The following TEK variants were observed in gnomAD, a reference collection of about 807,000 sequenced individuals.
TEK encodes TEK receptor tyrosine kinase.
TEK carries 43 observed loss-of-function variants against 131.8 expected under a neutral mutation model. The ratio of observed to expected loss-of-function variants is 0.33; its 90% confidence interval spans 0.26 to 0.42. TEK has a LOEUF of 0.42. Among genes scored for constraint, TEK ranks in the 10% least tolerant of loss-of-function variants. The probability of loss-of-function intolerance (pLI) is 1.00; values close to 1 mark genes in which losing one functional copy is unlikely to be tolerated. For synonymous variants in TEK, 580 were observed against 491.6 expected (o/e 1.18, Z -2.38); for missense variants, 1,162 against 1,384.4 (o/e 0.84, Z 2.55).
chr9:27,226,165 C>T (rs1328776450), intron 21 of TEK, among the ~76,000 whole-genome samples: 1 of 152,204 alleles, frequency 6.6e-6, no homozygotes, highest in Non-Finnish European at 1.5e-5. Context: ...TTGTGGAAGT[C>T]AGTGTGGCGA....
chr9:27,179,222 C>A (rs1160016948), intron 6 of TEK, among the ~76,000 whole-genome samples: 2 of 152,114 alleles, frequency 1.3e-5, no homozygotes, highest in African/African-American at 4.8e-5. Flanking sequence ...TTGTTATCTC[C>A]ATTCTGTTGC....
chr9:27,121,707 ATGAT>A (rs1415774049), intron 1 of TEK, among the ~76,000 whole-genome samples: 1 of 152,128 alleles, frequency 6.6e-6, no homozygotes, highest in Admixed American at 6.5e-5. Context: ...TTTAAATATA[ATGAT>A]TGATAGAAAA....
intron 1 of TEK, among the ~76,000 whole-genome samples, chr9:27,136,088 T>A (rs1052734471): frequency 1.4e-5 from 2 of 145,974 alleles, no homozygotes; most frequent in African/African-American, 5.4e-5. Flanking sequence ...GGCAGTTATT[T>A]TTTTTTTTTT....
rs766278026 is a variant in TEK, at chr9:27,158,022, T to C, written c.244T>C (p.Trp82Arg). 31 of 1,613,960 alleles carry C rather than the reference T, an allele frequency of 1.9e-5. No homozygotes were observed. In the African/African-American group the frequency reaches 2.3e-4, roughly 12 times the overall value. The change falls in exon 2 of 23, where the codon TGG (tryptophan) becomes CGG (arginine). Residue 82 changes from tryptophan to arginine, a missense_variant. Coordinates refer to ENST00000380036, the MANE Select transcript of TEK (RefSeq NM_000459.5). The stretch of plus-strand genomic sequence containing the variant: ...AGTTACTCAAGATGTGACCAGAGAA[T>C]GGGCTAAAAAAGTTGTTTGGAAGAG... ...LEVTQDVTRE[W>R]AKKVVWKREK... is the part of the protein sequence containing the mutation.
At chr9:27,122,136 A>G (rs1317316407) in intron 1 of TEK, among the ~76,000 whole-genome samples, 2 of 152,190 alleles carry the variant, frequency 1.3e-5, no homozygotes, top group African/African-American at 4.8e-5. Flanking sequence ...CATCCATTCC[A>G]GCTAGCATCT....
chr9:27,206,591 C>A lies in TEK; in HGVS notation c.2374C>A (p.Pro792Thr). 1 of 1,613,730 alleles carries A rather than the reference C, an allele frequency of 6.2e-7. No individual in the cohort carries two copies. Among genetic ancestry groups the A allele is most frequent in the Non-Finnish European group, 8.5e-7 (1 of 1,179,918 alleles). The change falls in exon 15 of 23, where the codon CCA becomes ACA. Residue 792 changes from proline (P) to threonine (T), a missense_variant. This residue lies in a region of TEK where 477 missense variants were observed against 471.0 expected (regional missense o/e 1.01). Coordinates refer to ENST00000380036, the MANE Select transcript of TEK (RefSeq NM_000459.5). ...ATAATTATTTTTCCAGAGGGAAGAA[C>A]CAGCTGTGCAGTTCAACTCAGGGAC... ...AQAFQNVREE[P>T]AVQFNSGTLA...
Position 27,137,951 on chromosome 9 carries a change from T to G in TEK, c.53-19880T>G, listed in dbSNP as rs529966268. On this transcript the variant is annotated intron_variant, in intron 1 of 22. Coordinates refer to ENST00000380036, the MANE Select transcript of TEK (RefSeq NM_000459.5). ...TGTCCAGAGTTTGTTCCTTCAGATG[T>G]GTCTGGAGTTTCTTCCTTCCAGTGG... Among the ~76,000 whole-genome samples, 5 of 152,294 alleles carry G rather than the reference T, an allele frequency of 3.3e-5. No homozygotes were observed. The South Asian group carries it at 1.0e-3, about 32-fold the overall frequency.
chr9:27,178,244 A>G (rs1378121464), intron 6 of TEK, among the ~76,000 whole-genome samples: 2 of 151,984 alleles, frequency 1.3e-5, no homozygotes, highest in Non-Finnish European at 2.9e-5. Context: ...TGTGTTCTTC[A>G]TACTTTTGTT....
At chr9:27,210,105 C>T (rs536836079) in intron 16 of TEK, among the ~76,000 whole-genome samples, 6 of 152,318 alleles carry the variant, frequency 3.9e-5, no homozygotes, top group Admixed American at 6.5e-5. Flanking sequence ...AATACTGGTG[C>T]TTCAAACAAT....
At chr9:27,177,509 G>A (rs919143073) in intron 6 of TEK, among the ~76,000 whole-genome samples, 12 of 152,208 alleles carry the variant, frequency 7.9e-5, no homozygotes, top group African/African-American at 2.9e-4. Context: ...CCAGCACTTT[G>A]GGAGGCCAAG....
At position 27,217,812 on chromosome 9, in the gene TEK, C is replaced by T. The variant is rs2275083; in HGVS notation, c.3062+54C>T. 390,608 of 1,481,272 alleles carry T rather than the reference C, an allele frequency of 0.26. 56,585 individuals are homozygous for T. The highest frequency in any genetic ancestry group is 0.58 in the African/African-American group (41,534 of 72,058). 91.8% of individuals were successfully genotyped at this position (1,481,272 alleles called of 1,614,324 possible). ...TTTTTTTCCCTCCCAGAAACATATACATTTGACAGAGGTTTTAAAAAGATA... is the reference window on the plus strand; with the variant it reads ...TTTTTTTCCCTCCCAGAAACATATATATTTGACAGAGGTTTTAAAAAGATA... On this transcript the variant is annotated intron_variant, in intron 19 of 22. Transcript: ENST00000380036.
At chr9:27,225,729 T>G (rs1036110376) in intron 21 of TEK, among the ~76,000 whole-genome samples, 7 of 152,026 alleles carry the variant, frequency 4.6e-5, no homozygotes, top group Non-Finnish European at 7.4e-5. Flanking sequence ...AAGCCAAAAT[T>G]GACAAATGGG....
chr9:27,134,531 T>A (rs562751284), intron 1 of TEK, among the ~76,000 whole-genome samples: 24 of 152,348 alleles, frequency 1.6e-4, no homozygotes, highest in African/African-American at 5.8e-4. Flanking sequence ...CTATCTCTTT[T>A]ATGAGCCAAA....
At chr9:27,123,784 T>G (rs1158701612) in intron 1 of TEK, among the ~76,000 whole-genome samples, 1 of 151,894 alleles carries the variant, frequency 6.6e-6, no homozygotes, top group Non-Finnish European at 1.5e-5. Context: ...TTCTTCATTT[T>G]ATTTATTCTT....
intron 1 of TEK, among the ~76,000 whole-genome samples, chr9:27,153,581 A>G (rs1281316480): frequency 6.7e-6 from 1 of 149,034 alleles, no homozygotes; most frequent in African/African-American, 2.6e-5. Flanking sequence ...AGAAGTATGA[A>G]TTAAACTATT....
intron 2 of TEK, among the ~76,000 whole-genome samples, chr9:27,164,934 T>C (rs1823672652): frequency 6.6e-6 from 1 of 152,198 alleles, no homozygotes. Flanking sequence ...TCAAGTCACA[T>C]AACATCAATA....
chr9:27,171,620 C>T (rs1293732318), intron 4 of TEK, among the ~76,000 whole-genome samples: 1 of 152,214 alleles, frequency 6.6e-6, no homozygotes, highest in East Asian at 1.9e-4. Context: ...GGGCTTGAGT[C>T]GAGGGGAATC....
intron 2 of TEK, 69 bp downstream of exon 2, chr9:27,158,211 C>A (rs752580827): frequency 1.3e-6 from 2 of 1,585,836 alleles, no homozygotes; most frequent in Non-Finnish European, 1.7e-6. Context: ...GTCTTGGCAG[C>A]TGCTCCCTCA....
intron 1 of TEK, among the ~76,000 whole-genome samples, chr9:27,156,930 G>GACTCTTTA (rs1823351341): frequency 6.8e-6 from 1 of 147,802 alleles, no homozygotes; most frequent in African/African-American, 2.5e-5. Context: ...AAAGAGGAGA[G>GACTCTTTA]AATAGACACA....
Sources: gnomAD v4.1 joint callset for allele counts (sites outside exome capture counted in the v4.1 genomes callset) on GRCh38, gnomAD v4.1.1 for gene constraint, gnomAD v4.1.1 regional missense constraint, MANE v1.5 for transcripts, NCBI Gene and HGNC (gene_info 2026-07-23, HGNC 2026-07-21) for gene names.